Variants in MRTFA observed in about 807,000 individuals in gnomAD.
MRTFA encodes myocardin-related transcription factor A.
A neutral mutation model predicts 83.5 loss-of-function variants in MRTFA; 20 were observed. That is an observed-to-expected ratio of 0.24 (90% CI 0.17 to 0.35). The LOEUF (loss-of-function observed/expected upper bound fraction) is 0.35, where lower values mean the gene tolerates loss of function less well. MRTFA is among the 10% of genes least tolerant of loss of function. The pLI, the probability that MRTFA is intolerant of heterozygous loss-of-function variation, is 1.00. For synonymous variants in MRTFA, 659 were observed against 541.2 expected (o/e 1.22, Z -3.02); for missense variants, 1,200 against 1,224.7 (o/e 0.98, Z 0.30).
chr22:40,537,707 G>T (rs866631533), intron 3 of MRTFA, among the ~76,000 whole-genome samples: 1 of 10,738 alleles, frequency 9.3e-5, no homozygotes, highest in Non-Finnish European at 1.6e-4. Context: ...CACCCCGTCC[G>T]GGAGGGAGAT....
chr22:40,463,914 G>A (rs1289930827), intron 3 of MRTFA, among the ~76,000 whole-genome samples: 1 of 152,036 alleles, frequency 6.6e-6, no homozygotes, highest in Non-Finnish European at 1.5e-5. Flanking sequence ...AAGCACATCC[G>A]GGCTAGGGGA....
At chr22:40,516,921 CT>C (rs922275781) in intron 3 of MRTFA, among the ~76,000 whole-genome samples, 4 of 148,708 alleles carry the variant, frequency 2.7e-5, no homozygotes, top group African/African-American at 4.9e-5. Flanking sequence ...TAATTTTTTT[CT>C]TTTTTTTTTC....
At chr22:40,567,170 T>C (rs1310594265) in intron 2 of MRTFA, among the ~76,000 whole-genome samples, 2 of 152,180 alleles carry the variant, frequency 1.3e-5, no homozygotes, top group African/African-American at 4.8e-5. Flanking sequence ...ATTTGACAAT[T>C]TGCCTTAAAC....
In MRTFA at chr22:40,410,899, G is replaced by A. The variant is rs1290258492; in HGVS notation, c.*491C>T. 2.1e-5 allele frequency: 5 copies of A among 234,480 alleles called. No homozygotes were observed. Among genetic ancestry groups the A allele is most frequent in the Non-Finnish European group, 3.4e-5 (4 of 119,186 alleles). 14.5% of individuals were successfully genotyped at this position (234,480 alleles called of 1,614,324 possible). On this transcript the variant is annotated 3_prime_UTR_variant, in exon 15 of 15. Transcript: ENST00000355630. ...TACACCAAGACACTAAAATGGCAGG[G>A]AGCCCTGGGATCCTGGGGTTGGCAG...
At chr22:40,487,136 G>A (rs1163398321) in intron 3 of MRTFA, among the ~76,000 whole-genome samples, 1 of 152,186 alleles carries the variant, frequency 6.6e-6, no homozygotes, top group African/African-American at 2.4e-5. Context: ...CAGGATATAT[G>A]TTAACCACTA....
intron 3 of MRTFA, among the ~76,000 whole-genome samples, chr22:40,549,609 G>C (rs1014730565): frequency 6.6e-6 from 1 of 152,172 alleles, no homozygotes; most frequent in African/African-American, 2.4e-5. Context: ...TGGACTACTA[G>C]TATTTCCTCA....
At chr22:40,628,252 C>T (rs2147447203) in intron 1 of MRTFA, among the ~76,000 whole-genome samples, 1 of 152,300 alleles carries the variant, frequency 6.6e-6, no homozygotes, top group East Asian at 1.9e-4. Flanking sequence ...AGTAAGCCTA[C>T]AGTCACATAC....
chr22:40,620,799 A>G (rs2056514079), intron 1 of MRTFA, among the ~76,000 whole-genome samples: 1 of 152,078 alleles, frequency 6.6e-6, no homozygotes, highest in African/African-American at 2.4e-5. Flanking sequence ...CCCAAAATAT[A>G]CATAGGAGAC....
chr22:40,535,345 T>C (rs1602397551), intron 3 of MRTFA, among the ~76,000 whole-genome samples: 1 of 96,176 alleles, frequency 1.0e-5, no homozygotes, highest in African/African-American at 4.8e-5. Context: ...TGAGAGGTTT[T>C]TTCTTTTTTT....
intron 4 of MRTFA, among the ~76,000 whole-genome samples, chr22:40,461,505 G>A (rs1258052243): frequency 6.6e-6 from 1 of 150,764 alleles, no homozygotes; most frequent in Non-Finnish European, 1.5e-5. Flanking sequence ...TAAAATGAAG[G>A]CCGGACACAG....
chr22:40,631,846 T>A (rs1043641647), intron 1 of MRTFA, among the ~76,000 whole-genome samples: 1 of 152,184 alleles, frequency 6.6e-6, no homozygotes, highest in Admixed American at 6.5e-5. Flanking sequence ...CCAAAGGTAA[T>A]CTTTCCTACT....
chr22:40,501,735 A>C (rs1602346076), intron 3 of MRTFA, among the ~76,000 whole-genome samples: 2 of 42,130 alleles, frequency 4.7e-5, no homozygotes, highest in Non-Finnish European at 9.2e-5. Flanking sequence ...GGGGCTCCTC[A>C]CTTCCCAGTA....
At chr22:40,414,342 A>C (rs924166200) in intron 14 of MRTFA, among the ~76,000 whole-genome samples, 1 of 151,888 alleles carries the variant, frequency 6.6e-6, no homozygotes, top group South Asian at 2.1e-4. Flanking sequence ...GTCTCCAAGG[A>C]AAAAAAAAGA....
intron 4 of MRTFA, among the ~76,000 whole-genome samples, chr22:40,455,820 GTAT>G (rs2053576569): frequency 3.3e-5 from 5 of 150,674 alleles, no homozygotes; most frequent in Non-Finnish European, 7.4e-5. Context: ...ATGTATGTAT[GTAT>G]GTATGTATGT....
At chr22:40,578,106 A>G (rs1228732638) in intron 2 of MRTFA, among the ~76,000 whole-genome samples, 1 of 151,690 alleles carries the variant, frequency 6.6e-6, no homozygotes, top group Non-Finnish European at 1.5e-5. Context: ...GACACGTGCC[A>G]CCATGCCTGG....
chr22:40,609,650 G>A (rs1229892185), intron 1 of MRTFA, among the ~76,000 whole-genome samples: 3 of 151,922 alleles, frequency 2.0e-5, no homozygotes, highest in Non-Finnish European at 4.4e-5. Flanking sequence ...AGCCAACATG[G>A]TGAAACCCTG....
intron 3 of MRTFA, among the ~76,000 whole-genome samples, chr22:40,546,877 C>T (rs995995584): frequency 1.2e-4 from 18 of 152,182 alleles, no homozygotes; most frequent in African/African-American, 4.3e-4. Context: ...TATTTATTGC[C>T]AGGCGCGGTG....
At chr22:40,546,018 T>C (rs1452311191) in intron 3 of MRTFA, among the ~76,000 whole-genome samples, 1 of 152,222 alleles carries the variant, frequency 6.6e-6, no homozygotes, top group Admixed American at 6.5e-5. Context: ...TGAGCCGCCG[T>C]ACCCGGCCAC....
At chr22:40,482,210 G>C (rs2054103794) in intron 3 of MRTFA, among the ~76,000 whole-genome samples, 1 of 152,142 alleles carries the variant, frequency 6.6e-6, no homozygotes, top group Admixed American at 6.5e-5. Flanking sequence ...TGCACAAGTG[G>C]TAACAGGTAG....
Sources: allele counts gnomAD v4.1 joint callset (sites outside exome capture counted in the v4.1 genomes callset), GRCh38; gene constraint gnomAD v4.1.1; transcripts MANE v1.5; gene names NCBI Gene and HGNC (gene_info 2026-07-23, HGNC 2026-07-21).